CHLSN: variants seen among roughly 807,000 people sequenced by gnomAD.
CHLSN encodes cholesin, also known as protein cholesin.
the CHLSN span, among the ~76,000 whole-genome samples, chr7:1,006,688 C>T: frequency 2.0e-5 from 3 of 150,060 alleles, no homozygotes; most frequent in East Asian, 2.0e-4. Flanking sequence ...GAGCGCACGA[C>T]GGTCATACTG....
the CHLSN span, among the ~76,000 whole-genome samples, chr7:1,036,688 C>CAGGCTGGGCAT: frequency 6.7e-6 from 1 of 149,226 alleles, no homozygotes; most frequent in South Asian, 2.1e-4. Context: ...AAAAAAAATC[C>CAGGCTGGGCAT]GATAGGGGAA....
At chr7:1,097,335 C>T in the CHLSN span, among the ~76,000 whole-genome samples, 1 of 152,108 alleles carries the variant, frequency 6.6e-6, no homozygotes, top group Admixed American at 6.5e-5. The surrounding 1 kb of genome is among the most constrained non-coding windows in gnomAD (Gnocchi z 4.3). Flanking sequence ...AGAAAGGCTC[C>T]AAGAGCACGT....
At chr7:1,041,335 GGGTCCGC>G in the CHLSN span, among the ~76,000 whole-genome samples, 7 of 114,792 alleles carry the variant, frequency 6.1e-5, no homozygotes, top group African/African-American at 2.4e-4. Context: ...AGGGGGCCTG[GGGTCCGC>G]GCTGCGGGGA....
chr7:1,114,212 G>A, the CHLSN span, among the ~76,000 whole-genome samples: 3 of 152,220 alleles, frequency 2.0e-5, no homozygotes, highest in South Asian at 6.2e-4. Context: ...GGGCCGGGCT[G>A]TTCCTTACTC....
chr7:1,115,739 C>G, the CHLSN span, among the ~76,000 whole-genome samples: 33 of 119,480 alleles, frequency 2.8e-4, no homozygotes, highest in African/African-American at 9.0e-4. Context: ...ATCACCGACG[C>G]CCACGCAGGA....
the CHLSN span, among the ~76,000 whole-genome samples, chr7:1,012,675 C>T: frequency 1.3e-5 from 2 of 152,260 alleles, no homozygotes; most frequent in African/African-American, 2.4e-5. Flanking sequence ...GCCGGTGCAC[C>T]TTTAACTTTT....
the CHLSN span, chr7:987,169 C>T: frequency 6.4e-7 from 1 of 1,570,930 alleles, no homozygotes; most frequent in Non-Finnish European, 8.6e-7. Context: ...TGGACATGGT[C>T]ATGGCCGGGA....
chr7:1,039,008 T>C, the CHLSN span, among the ~76,000 whole-genome samples: 11,367 of 40,574 alleles, frequency 0.28, 2,038 homozygotes, highest in African/African-American at 0.41. Flanking sequence ...GGGAGGGAGG[T>C]GGGGGTGTCG....
the CHLSN span, chr7:988,997 C>G: frequency 1.9e-5 from 11 of 567,624 alleles, no homozygotes; most frequent in Non-Finnish European, 3.1e-5. Context: ...CAGGACTACC[C>G]CTGCCCGACC....
chr7:1,019,417 G>C, the CHLSN span, among the ~76,000 whole-genome samples: 16 of 152,298 alleles, frequency 1.1e-4, no homozygotes, highest in South Asian at 3.3e-3. Flanking sequence ...ATGCTGGAAG[G>C]GGCAGCTGCT....
At chr7:1,136,531 CAT>C in the CHLSN span, among the ~76,000 whole-genome samples, 13 of 125,432 alleles carry the variant, frequency 1.0e-4, no homozygotes, top group African/African-American at 2.8e-4. Context: ...TATATATAAA[CAT>C]ATATATGAAC....
At chr7:1,076,799 G>T in the CHLSN span, among the ~76,000 whole-genome samples, 1 of 152,266 alleles carries the variant, frequency 6.6e-6, no homozygotes, top group South Asian at 2.1e-4. Context: ...GAGAGCATGG[G>T]GACTTGCACG....
At chr7:1,084,635 G>T in the CHLSN span, among the ~76,000 whole-genome samples, 1 of 152,220 alleles carries the variant, frequency 6.6e-6, no homozygotes, top group Admixed American at 6.5e-5. Context: ...TGGTGGGAAG[G>T]GAAGCCTCAC....
At chr7:1,048,468 CT>C in the CHLSN span, among the ~76,000 whole-genome samples, 63 of 152,086 alleles carry the variant, frequency 4.1e-4, no homozygotes, top group Non-Finnish European at 8.2e-4. Flanking sequence ...CCGGGTGCCT[CT>C]CAGGTTGAGA....
the CHLSN span, chr7:1,127,367 T>C: frequency 6.2e-7 from 1 of 1,607,766 alleles, no homozygotes. Flanking sequence ...TCAGGAACTT[T>C]TCTCTTCTGT....
At chr7:979,192 C>A in the CHLSN span, among the ~76,000 whole-genome samples, 1 of 152,192 alleles carries the variant, frequency 6.6e-6, no homozygotes, top group Non-Finnish European at 1.5e-5. Context: ...TAGTTTTATT[C>A]AGATTCCTAT....
chr7:1,060,451 G>A, the CHLSN span, among the ~76,000 whole-genome samples: 1 of 152,168 alleles, frequency 6.6e-6, no homozygotes, highest in African/African-American at 2.4e-5. Context: ...CAGCCTGAAC[G>A]CGCTGGAATT....
the CHLSN span, chr7:984,506 C>T: frequency 4.6e-5 from 71 of 1,551,768 alleles, 3 homozygotes; most frequent in South Asian, 5.8e-4. Context: ...GAGGCGCTGG[C>T]GGGCCCCGGG....
At chr7:987,215 C>T in the CHLSN span, 2 of 1,543,144 alleles carry the variant, frequency 1.3e-6, no homozygotes, top group East Asian at 2.4e-5. Context: ...GTGGGCCGCA[C>T]TTCTGATGGG....
Sources: allele counts gnomAD v4.1 joint callset (sites outside exome capture counted in the v4.1 genomes callset), GRCh38; gene constraint gnomAD v4.1.1; non-coding constraint Gnocchi (gnomAD v3.1); transcripts MANE v1.5; gene names NCBI Gene and HGNC (gene_info 2026-07-23, HGNC 2026-07-21).